SOX5: variants seen among roughly 807,000 people sequenced by gnomAD.
SOX5 encodes transcription factor SOX-5.
Under a neutral mutation model 92.0 loss-of-function variants are expected in SOX5, and 9 were observed. The observed-to-expected ratio is 0.10, with a 90% CI of 0.06 to 0.17. The LOEUF (loss-of-function observed/expected upper bound fraction) is 0.17, where lower values mean the gene tolerates loss of function less well. Ranked by LOEUF, SOX5 falls within the 10% of genes least tolerant of loss-of-function variation. The pLI is 1.00. For missense variants in SOX5, 642 were observed against 944.5 expected (o/e 0.68, Z 4.20); for synonymous variants, 344 against 336.3 (o/e 1.02, Z -0.25).
At chr12:23,774,971 C>G (rs2095052553) in intron 3 of SOX5, among the ~76,000 whole-genome samples, 1 of 152,138 alleles carries the variant, frequency 6.6e-6, no homozygotes, top group Non-Finnish European at 1.5e-5. Flanking sequence ...CTACTTATCT[C>G]CTTTTGTATG....
At chr12:24,222,873 T>G (rs1442419978) in intron 3 of SOX5, among the ~76,000 whole-genome samples, 2 of 152,156 alleles carry the variant, frequency 1.3e-5, no homozygotes, top group African/African-American at 4.8e-5. Flanking sequence ...TTAACATTGT[T>G]AAAATCACAC....
At chr12:24,339,868 C>A (rs1952371885) in intron 2 of SOX5, among the ~76,000 whole-genome samples, 3 of 152,238 alleles carry the variant, frequency 2.0e-5, no homozygotes, top group African/African-American at 7.2e-5. Context: ...TGAGCCACTT[C>A]TGGAAAGAGG....
chr12:24,070,852 T>C (rs1479897923), intron 4 of SOX5, among the ~76,000 whole-genome samples: 4 of 152,200 alleles, frequency 2.6e-5, no homozygotes, highest in Non-Finnish European at 5.9e-5. Context: ...CCAGATGGTT[T>C]ATGCATGCCC....
intron 2 of SOX5, among the ~76,000 whole-genome samples, chr12:23,850,711 G>A (rs1053314589): frequency 9.9e-5 from 15 of 151,930 alleles, no homozygotes; most frequent in African/African-American, 3.6e-4. Context: ...TATTTCTCAG[G>A]TTATCTTGAT....
At chr12:24,116,396 A>G (rs1486230245) in intron 4 of SOX5, among the ~76,000 whole-genome samples, 3 of 151,806 alleles carry the variant, frequency 2.0e-5, no homozygotes, top group African/African-American at 7.3e-5. Flanking sequence ...AATGCATTAA[A>G]TGAAGTAGAG....
In SOX5 at chr12:23,975,346, T is replaced by TA. The variant is rs1569346483; in HGVS notation, c.-1-79323_-1-79322insT. Among the ~76,000 whole-genome samples, 210 of 151,712 alleles carry TA rather than the reference T, an allele frequency of 1.4e-3. 1 individual carries two copies. Among genetic ancestry groups the TA allele is most frequent in the African/African-American group, 4.9e-3 (202 of 41,096 alleles). ...TGATATATAATATGATATACTTTTT[T>TA]TAAAAAAAAAAATTAAGTGTAAAGC... is the stretch of plus-strand genomic sequence containing the variant. On this transcript the variant is annotated intron_variant, in intron 4 of 4. Coordinates refer to the SOX5 transcript ENST00000446891.
chr12:24,277,640 G>T (rs1414878927), intron 2 of SOX5, among the ~76,000 whole-genome samples: 1 of 150,112 alleles, frequency 6.7e-6, no homozygotes, highest in African/African-American at 2.4e-5. Flanking sequence ...GGAAGAAGGG[G>T]TATTATCTTG....
At chr12:24,006,565 T>C (rs1952188482) in intron 4 of SOX5, among the ~76,000 whole-genome samples, 1 of 152,146 alleles carries the variant, frequency 6.6e-6, no homozygotes, top group Non-Finnish European at 1.5e-5. Flanking sequence ...CCCTGTGTTC[T>C]GTGCCTGGAC....
intron 6 of SOX5, among the ~76,000 whole-genome samples, chr12:23,728,841 T>C (rs1041953351): frequency 1.3e-5 from 2 of 152,142 alleles, no homozygotes; most frequent in African/African-American, 4.8e-5. Flanking sequence ...AATTGAGCCA[T>C]TGTTCCACAA....
exon 1 of SOX5, chr12:24,562,356 C>T (rs987925328): frequency 3.3e-5 from 5 of 152,410 alleles, no homozygotes; most frequent in African/African-American, 1.2e-4. Flanking sequence ...GTTAATGCCT[C>T]CTCCGGCGTG....
chr12:24,396,258 C>T (rs1000724303), intron 1 of SOX5, among the ~76,000 whole-genome samples: 5 of 152,160 alleles, frequency 3.3e-5, no homozygotes, highest in South Asian at 2.1e-4. Flanking sequence ...GCCTGCTCCT[C>T]GTCCTTCATT....
chr12:24,082,625 G>T (rs556803235), intron 4 of SOX5, among the ~76,000 whole-genome samples: 2 of 151,724 alleles, frequency 1.3e-5, no homozygotes, highest in East Asian at 3.9e-4. Context: ...GGAATTGGGG[G>T]CATTTGGAGC....
intron 4 of SOX5, among the ~76,000 whole-genome samples, chr12:24,168,420 C>T (rs1953676840): frequency 6.6e-6 from 1 of 152,084 alleles, no homozygotes. Context: ...AAATCGTCAA[C>T]AGAAATAATT....
At chr12:23,918,916 C>CAAAAAAAAG (rs2097449767) in intron 1 of SOX5, among the ~76,000 whole-genome samples, 2 of 139,902 alleles carry the variant, frequency 1.4e-5, no homozygotes, top group Non-Finnish European at 3.1e-5. Context: ...GACTCCATTT[C>CAAAAAAAAG]AAAAAAAAGA....
chr12:23,615,702 T>G (rs1174724517), intron 8 of SOX5, among the ~76,000 whole-genome samples: 4 of 152,186 alleles, frequency 2.6e-5, no homozygotes, highest in Non-Finnish European at 5.9e-5. Flanking sequence ...TATGGCTGTA[T>G]AGTATTCCAT....
At chr12:24,292,907 C>A (rs1452694556) in intron 2 of SOX5, among the ~76,000 whole-genome samples, 2 of 152,156 alleles carry the variant, frequency 1.3e-5, no homozygotes, top group Non-Finnish European at 2.9e-5. Context: ...TGACCTCTGG[C>A]CCTAAAACCT....
upstream of SOX5, among the ~76,000 whole-genome samples, chr12:23,955,367 A>G (rs542930898): frequency 3.9e-5 from 6 of 152,304 alleles, no homozygotes; most frequent in African/African-American, 1.4e-4. Context: ...AGTGATAACA[A>G]TCACCAGAAC....
At chr12:24,246,040 T>C (rs74068467) in intron 3 of SOX5, among the ~76,000 whole-genome samples, 3,156 of 152,324 alleles carry the variant, frequency 0.021, 114 homozygotes, top group African/African-American at 0.07. Flanking sequence ...TAATATCAAG[T>C]GTTCATTTCA....
chr12:23,582,317 G>A (rs1950156692), intron 9 of SOX5: 1 of 982,900 alleles, frequency 1.0e-6, no homozygotes, highest in Non-Finnish European at 1.2e-6. Context: ...CAAGTATCAT[G>A]AGGATCTATA....
Sources: allele counts gnomAD v4.1 joint callset (sites outside exome capture counted in the v4.1 genomes callset), GRCh38; gene constraint gnomAD v4.1.1; transcripts MANE v1.5; gene names NCBI Gene and HGNC (gene_info 2026-07-23, HGNC 2026-07-21).